The following CADPS variants were observed in gnomAD, a reference collection of about 807,000 sequenced individuals.
CADPS encodes the protein calcium-dependent secretion activator 1.
A neutral mutation model predicts 167.3 loss-of-function variants in CADPS; 57 were observed. That is an observed-to-expected ratio of 0.34 (90% CI 0.28 to 0.42). The LOEUF is 0.42. Among genes scored for constraint, CADPS ranks in the 20% least tolerant of loss-of-function variants. The pLI, the probability that CADPS is intolerant of heterozygous loss-of-function variation, is 1.00. For missense variants in CADPS, 1,414 were observed against 1,738.1 expected (o/e 0.81, Z 3.32); for synonymous variants, 676 against 635.3 (o/e 1.06, Z -0.96).
At chr3:62,845,126 G>A (rs1037412309) in intron 1 of CADPS, among the ~76,000 whole-genome samples, 5 of 152,180 alleles carry the variant, frequency 3.3e-5, no homozygotes, top group Non-Finnish European at 7.3e-5. Flanking sequence ...CTGCTCCTTT[G>A]TTTCAACTAT....
intron 8 of CADPS, among the ~76,000 whole-genome samples, chr3:62,576,173 G>T (rs2082230929): frequency 1.3e-5 from 2 of 152,152 alleles, no homozygotes; most frequent in Non-Finnish European, 2.9e-5. Context: ...AGCTGTCCGG[G>T]TATGTGGAAA....
chr3:62,560,357 T>C (rs1250345174), intron 9 of CADPS, among the ~76,000 whole-genome samples: 1 of 152,184 alleles, frequency 6.6e-6, no homozygotes, highest in Non-Finnish European at 1.5e-5. Flanking sequence ...TGTTCCTCTG[T>C]CGTAGTAGAA....
At chr3:62,759,552 A>G (rs995272334) in intron 2 of CADPS, among the ~76,000 whole-genome samples, 1 of 152,178 alleles carries the variant, frequency 6.6e-6, no homozygotes, top group Admixed American at 6.6e-5. Flanking sequence ...AGAGTATGCC[A>G]TTTGTGTGAC....
chr3:62,831,651 G>A (rs1363870417), intron 1 of CADPS, among the ~76,000 whole-genome samples: 1 of 152,146 alleles, frequency 6.6e-6, no homozygotes, highest in Non-Finnish European at 1.5e-5. Flanking sequence ...AATTCCATCA[G>A]TATATTCTCT....
At chr3:62,832,672 T>C (rs1474862915) in intron 1 of CADPS, among the ~76,000 whole-genome samples, 1 of 152,220 alleles carries the variant, frequency 6.6e-6, no homozygotes, top group African/African-American at 2.4e-5. Flanking sequence ...TCTCCTCACA[T>C]TGCTCATCAT....
At chr3:62,851,777 A>G (rs2078644737) in intron 1 of CADPS, among the ~76,000 whole-genome samples, 1 of 149,962 alleles carries the variant, frequency 6.7e-6, no homozygotes, top group African/African-American at 2.5e-5. Context: ...CTCGAGGAGT[A>G]TCTTTGTGGC....
chr3:62,466,501 A>C (rs1560761985), intron 24 of CADPS, 88 bp from the exon 25 acceptor site: 1 of 842,286 alleles, frequency 1.2e-6, no homozygotes, highest in Non-Finnish European at 2.0e-6. Context: ...TAATTTATAA[A>C]TAAAGCCTGG....
intron 3 of CADPS, among the ~76,000 whole-genome samples, chr3:62,728,115 A>C (rs1273603646): frequency 6.6e-6 from 1 of 151,846 alleles, no homozygotes; most frequent in African/African-American, 2.4e-5. Context: ...TCCCAGGTCA[A>C]ACAGCTAATA....
chr3:62,627,640 A>AT (rs749187283), intron 6 of CADPS, among the ~76,000 whole-genome samples: 22 of 74,712 alleles, frequency 2.9e-4, no homozygotes, highest in East Asian at 7.7e-4. Context: ...GTAATACAGA[A>AT]TTAAAAAAAT....
chr3:62,490,205 GT>G (rs1171392708), intron 21 of CADPS, among the ~76,000 whole-genome samples: 2 of 152,122 alleles, frequency 1.3e-5, no homozygotes, highest in Non-Finnish European at 2.9e-5. Flanking sequence ...TTGTTCTGGA[GT>G]TCCTAAAATG....
intron 1 of CADPS, among the ~76,000 whole-genome samples, chr3:62,788,439 A>G (rs73106360): frequency 0.1 from 15,839 of 152,264 alleles, 935 homozygotes; most frequent in Non-Finnish European, 0.13. Flanking sequence ...AAAGCTACAC[A>G]CTTCTCAATG....
intron 5 of CADPS, among the ~76,000 whole-genome samples, chr3:62,648,813 A>G (rs754960666): frequency 1.3e-5 from 2 of 152,094 alleles, no homozygotes; most frequent in African/African-American, 2.4e-5. Flanking sequence ...GACACCTTTA[A>G]TTGGCAATAA....
At chr3:62,628,762 G>C (rs909951214) in intron 6 of CADPS, among the ~76,000 whole-genome samples, 9 of 151,776 alleles carry the variant, frequency 5.9e-5, no homozygotes, top group Admixed American at 1.3e-4. Flanking sequence ...GAATAGCTGG[G>C]ACCACAGGTG....
At chr3:62,804,166 G>A (rs1413145175) in intron 1 of CADPS, among the ~76,000 whole-genome samples, 2 of 152,006 alleles carry the variant, frequency 1.3e-5, no homozygotes, top group African/African-American at 2.4e-5. Context: ...TGCTACATGT[G>A]GACAGGGACC....
intron 28 of CADPS, among the ~76,000 whole-genome samples, chr3:62,406,309 G>A (rs1313013853): frequency 2.0e-5 from 3 of 152,132 alleles, no homozygotes; most frequent in Non-Finnish European, 4.4e-5. Flanking sequence ...ACAATCCTTG[G>A]TGTCTGGGTT....
At chr3:62,672,065 C>T (rs6762512) in intron 3 of CADPS, among the ~76,000 whole-genome samples, 28,713 of 152,106 alleles carry the variant, frequency 0.19, 2,882 homozygotes, top group Middle Eastern at 0.27. Context: ...CAGGTGTGAG[C>T]CACCACACCC....
intron 3 of CADPS, among the ~76,000 whole-genome samples, chr3:62,684,017 C>G (rs1360397777): frequency 6.6e-6 from 1 of 152,014 alleles, no homozygotes. Context: ...GTTACTTTTT[C>G]TCTCCTCCCA....
At chr3:62,705,680 G>A (rs1449561545) in intron 3 of CADPS, among the ~76,000 whole-genome samples, 1 of 152,064 alleles carries the variant, frequency 6.6e-6, no homozygotes, top group African/African-American at 2.4e-5. Context: ...TCAAACTTTG[G>A]ACCCTAAGTT....
intron 3 of CADPS, among the ~76,000 whole-genome samples, chr3:62,703,741 GA>G (rs555423675): frequency 1.1e-3 from 160 of 152,276 alleles, no homozygotes; most frequent in Non-Finnish European, 1.0e-3. Flanking sequence ...AGGATGAAAA[GA>G]AGGCAAATCA....
Sources: gnomAD v4.1 joint callset for allele counts (sites outside exome capture counted in the v4.1 genomes callset) on GRCh38, gnomAD v4.1.1 for gene constraint, MANE v1.5 for transcripts, NCBI Gene and HGNC (gene_info 2026-07-23, HGNC 2026-07-21) for gene names.